DDX17: variants seen among roughly 807,000 people sequenced by gnomAD.
The protein encoded by DDX17 is DEAD-box helicase 17.
DDX17 carries 10 observed loss-of-function variants against 80.8 expected under a neutral mutation model. The ratio of observed to expected loss-of-function variants is 0.12; its 90% CI spans 0.08 to 0.21. DDX17 has a LOEUF of 0.21. Among genes scored for constraint, DDX17 ranks in the 10% least tolerant of loss-of-function variants. The probability of loss-of-function intolerance (pLI) is 1.00; values close to 1 mark genes in which losing one functional copy is unlikely to be tolerated. For missense variants in DDX17, 586 were observed against 957.4 expected (o/e 0.61, Z 5.12); for synonymous variants, 339 against 336.2 (o/e 1.01, Z -0.09).
chr22:38,492,671 A>T (rs1010740604), intron 10 of DDX17, among the ~76,000 whole-genome samples: 10 of 152,148 alleles, frequency 6.6e-5, no homozygotes, highest in Admixed American at 3.9e-4. Context: ...TTTTTAGTAG[A>T]GACGGGGTTT....
At position 38,500,817 on chromosome 22, in the gene DDX17, CAAAAAAAAAAAAA is replaced by C. The variant is rs138453; in HGVS notation, c.438+300_438+312del. ...GGGCAACAAGAGCAAAACTCCGTCT[CAAAAAAAAAAAAA>C]AAAAAAAAAAAAAAAATCAGCTGGG... On this transcript the variant is annotated intron_variant, in intron 2 of 12. Transcript: ENST00000403230. 1.1e-4 allele frequency among the ~76,000 whole-genome samples: 6 copies of C among 54,176 alleles called. 1 individual carries two copies. The highest frequency in any genetic ancestry group is 7.8e-4 in the South Asian group (1 of 1,286). The allele number at this position is 54,176 out of a possible 152,430, so 35.5% of individuals were successfully genotyped here. A position where few individuals can be genotyped will look rare whatever the true frequency, so the allele number is the denominator to read the frequency against.
At chr22:38,488,987 C>T in intron 11 of DDX17, 1 of 985,360 alleles carries the variant, frequency 1.0e-6, no homozygotes, top group African/African-American at 1.7e-5. Context: ...ATTCTCTCTA[C>T]TGCTGGGAAT....
At chr22:38,503,707 C>A (rs2089852891) in intron 1 of DDX17, among the ~76,000 whole-genome samples, 1 of 152,206 alleles carries the variant, frequency 6.6e-6, no homozygotes, top group Non-Finnish European at 1.5e-5. Flanking sequence ...CAAAAAAATT[C>A]ACCTTTGAAG....
rs1369826800 is a variant in DDX17 at position 38,484,246 on chromosome 22, G to C, written c.*1689C>G. 7.6e-5 allele frequency: 5 copies of C among 66,190 alleles called. No individual in the cohort carries two copies. Among genetic ancestry groups the C allele is most frequent in the African/African-American group, 1.2e-4 (2 of 17,118 alleles). 4.1% of individuals were successfully genotyped at this position (66,190 alleles called of 1,614,324 possible). A position where few individuals can be genotyped will look rare whatever the true frequency, so the allele number is the denominator to read the frequency against. ...CCTTGGCCTCAACTTCTGTAAGATGGGGGGGGGACAAAAAGAGAAGTAAAG... is the reference window on the plus strand; with the variant it reads ...CCTTGGCCTCAACTTCTGTAAGATGCGGGGGGGACAAAAAGAGAAGTAAAG... On this transcript the variant is annotated 3_prime_UTR_variant, in exon 13 of 13. Transcript: ENST00000403230.
At chr22:38,488,959 T>C (rs890590428) in intron 11 of DDX17, 1 of 985,294 alleles carries the variant, frequency 1.0e-6, no homozygotes, top group Admixed American at 6.2e-5. Flanking sequence ...CCATGAAACC[T>C]TGAGACACAA....
chr22:38,497,161 C>T (rs192472707), intron 5 of DDX17, among the ~76,000 whole-genome samples: 275 of 150,354 alleles, frequency 1.8e-3, no homozygotes, highest in Non-Finnish European at 2.7e-3. Context: ...CTGGGTGTGG[C>T]GGCGCATGCC....
In DDX17 at chr22:38,495,906, G is replaced by A; in HGVS notation, c.770C>T (p.Ala257Val). The A allele has an allele frequency of 1.2e-6, 2 of 1,607,728 alleles. No homozygotes were observed. The highest frequency in any genetic ancestry group is 1.7e-6 in the Non-Finnish European group (2 of 1,177,758). The change falls in exon 6 of 13, where the codon GCC becomes GTC. Residue 257 changes from alanine (A) to valine (V), a missense_variant. This residue lies in a region of DDX17 where 141 missense variants were observed against 379.3 expected (regional missense o/e 0.37). Transcript: ENST00000403230. ...ATCGGCCACCTGCTGTACTTGCTGG[G>A]CAAGCTCTCTGGTAGGAGCCAGAAC...
At position 38,506,274 on chromosome 22, in the gene DDX17, A is replaced by G; in HGVS notation, c.-37T>C. 1.9e-6 allele frequency: 3 copies of G among 1,548,224 alleles called. No individual in the cohort carries two copies. Among genetic ancestry groups the G allele is most frequent in the Non-Finnish European group, 2.6e-6 (3 of 1,151,638 alleles). On this transcript the variant is annotated 5_prime_UTR_variant, in exon 1 of 13. Transcript: ENST00000403230. ...CTCAAACCGGGCAGTGCCGCGGTTT[A>G]GGCGTCTCCTTCCTTCCCAGCGACT...
chr22:38,505,832 G>T, intron 1 of DDX17, 119 bp downstream of exon 1: 1 of 1,285,506 alleles, frequency 7.8e-7, no homozygotes, highest in South Asian at 1.5e-5. Flanking sequence ...GCCTCGAGTC[G>T]CCTCCCCTCG....
At position 38,485,430 on chromosome 22, in the gene DDX17, A is replaced by G. The variant is rs2089645078; in HGVS notation, c.*505T>C. On this transcript the variant is annotated 3_prime_UTR_variant, in exon 13 of 13. Coordinates refer to ENST00000403230, the MANE Select transcript of DDX17 (RefSeq NM_006386.5). ...AACTTAAGAAACATTTAAAAGCACA[A>G]AAGAAAATGTGCAGGGCAATCCCTC... The G allele has an allele frequency of 6.6e-6, 1 of 152,158 alleles. No homozygotes were observed. Among genetic ancestry groups the G allele is most frequent in the South Asian group, 2.1e-4 (1 of 4,822 alleles). 9.4% of individuals were successfully genotyped at this position (152,158 alleles called of 1,614,324 possible). A position where few individuals can be genotyped will look rare whatever the true frequency, so the allele number is the denominator to read the frequency against.
rs2089804305 is a variant in DDX17 at position 38,499,456 on chromosome 22, C to G, written c.482G>C (p.Arg161Thr). Residue 161 changes from arginine to threonine, a missense_variant, in exon 3 of 13, where the codon AGG becomes ACG. This residue lies in a region of DDX17 where 215 missense variants were observed against 238.4 expected (regional missense o/e 0.90). Transcript: ENST00000403230. ...GGGTTTAGGACAAACATCTCCCCCCCTCACTGTAATCTCCTTCTTTCGGCG... is the reference window on the plus strand; with the variant it reads ...GGGTTTAGGACAAACATCTCCCCCCGTCACTGTAATCTCCTTCTTTCGGCG... 2.5e-6 allele frequency: 4 copies of G among 1,614,144 alleles called. No homozygotes were observed. The highest frequency in any genetic ancestry group is 3.4e-6 in the Non-Finnish European group (4 of 1,180,006).
intron 5 of DDX17, among the ~76,000 whole-genome samples, chr22:38,496,350 ATTTGT>A (rs780084375): frequency 1.4e-3 from 217 of 152,140 alleles, no homozygotes; most frequent in Middle Eastern, 6.8e-3. Context: ...CAAAATTTGG[ATTTGT>A]TTTGTTTTCT....
chr22:38,495,682 A>C (rs1481492282), intron 6 of DDX17, 114 bp downstream of exon 6: 3 of 814,468 alleles, frequency 3.7e-6, no homozygotes, highest in East Asian at 2.8e-5. Context: ...GAGAATTTCT[A>C]AGCTGCTGAA....
chr22:38,492,025 A>G (rs769647423), intron 11 of DDX17, 31 bp downstream of exon 11: 9 of 1,518,062 alleles, frequency 5.9e-6, no homozygotes, highest in Non-Finnish European at 8.1e-6. Context: ...AGATACATAT[A>G]CCATTGACAG....
chr22:38,500,847 T>C (rs1158625853), intron 2 of DDX17, among the ~76,000 whole-genome samples: 2 of 34,168 alleles, frequency 5.9e-5, no homozygotes, highest in Admixed American at 3.5e-4. Context: ...AAAAAAAAAA[T>C]CAGCTGGGTG....
In DDX17 at chr22:38,484,652, T is replaced by G. The variant is rs951584183; in HGVS notation, c.*1283A>C. 1 of 152,264 alleles carries G rather than the reference T, an allele frequency of 6.6e-6. No individual in the cohort carries two copies. Among genetic ancestry groups the G allele is most frequent in the Admixed American group, 6.5e-5 (1 of 15,286 alleles). The allele number at this position is 152,264 out of a possible 1,614,324, so 9.4% of individuals were successfully genotyped here. ...GCAGAAAATTCTTTCTGGGTCCATCTGCTATAAAGTCTTGGTAAAACAGCA... is the reference window on the plus strand; with the variant it reads ...GCAGAAAATTCTTTCTGGGTCCATCGGCTATAAAGTCTTGGTAAAACAGCA... On this transcript the variant is annotated 3_prime_UTR_variant, in exon 13 of 13. Coordinates refer to ENST00000403230, the MANE Select transcript of DDX17 (RefSeq NM_006386.5).
chr22:38,501,918 TAA>T lies in DDX17; in HGVS notation c.288-640_288-639del, dbSNP rs546312211. On this transcript the variant is annotated intron_variant, in intron 1 of 12. Transcript: ENST00000403230. ...ATGCAGGCAAAGGATGACATTAAGT[TAA>T]GTTTCAATTAAAGGGAAGATTGTGG... Among the ~76,000 whole-genome samples, 41 of 152,340 alleles carry T rather than the reference TAA, an allele frequency of 2.7e-4. 2 individuals carry two copies. In the East Asian group the frequency reaches 7.7e-3, roughly 29 times the overall value.
chr22:38,500,997 A>G, intron 2 of DDX17, 133 bp downstream of exon 2: 1 of 1,272,884 alleles, frequency 7.9e-7, no homozygotes, highest in Non-Finnish European at 1.0e-6. Context: ...AAATTAACCA[A>G]AAAATTTTTT....
At chr22:38,499,008 G>A (rs1328591143) in intron 3 of DDX17, among the ~76,000 whole-genome samples, 2 of 152,190 alleles carry the variant, frequency 1.3e-5, no homozygotes, top group Non-Finnish European at 2.9e-5. Flanking sequence ...TTGAGACTCC[G>A]TTTCCAAAAA....
Sources: allele counts gnomAD v4.1 joint callset (sites outside exome capture counted in the v4.1 genomes callset), GRCh38; gene constraint gnomAD v4.1.1; regional missense constraint gnomAD v4.1.1; transcripts MANE v1.5; gene names NCBI Gene and HGNC (gene_info 2026-07-23, HGNC 2026-07-21).